The following ATP8A2 variants were observed in gnomAD, a reference collection of about 807,000 sequenced individuals.
ATP8A2 encodes the protein phospholipid-transporting ATPase IB.
A neutral mutation model predicts 165.6 loss-of-function variants in ATP8A2; 100 were observed. That is an observed-to-expected ratio of 0.60 (90% CI 0.51 to 0.71). The LOEUF is 0.71. ATP8A2 is among the 30% of genes least tolerant of loss of function. ATP8A2 has a pLI of 0.00. For synonymous variants in ATP8A2, 543 were observed against 548.8 expected (o/e 0.99, Z 0.15); for missense variants, 1,227 against 1,479.5 (o/e 0.83, Z 2.80).
At chr13:25,973,910 C>G (rs1955968387) in intron 35 of ATP8A2, among the ~76,000 whole-genome samples, 1 of 152,236 alleles carries the variant, frequency 6.6e-6, no homozygotes, top group Non-Finnish European at 1.5e-5. Flanking sequence ...CTCTCCCACA[C>G]TTTCCTCCTA....
chr13:25,744,451 A>G (rs1180960572), intron 25 of ATP8A2, among the ~76,000 whole-genome samples: 1 of 152,222 alleles, frequency 6.6e-6, no homozygotes, highest in East Asian at 1.9e-4. Flanking sequence ...CATTTCATTT[A>G]GACTGTACTT....
intron 30 of ATP8A2, among the ~76,000 whole-genome samples, chr13:25,849,083 T>C (rs970329470): frequency 1.3e-5 from 2 of 152,140 alleles, no homozygotes; most frequent in African/African-American, 4.8e-5. Context: ...TGGAAGCTCC[T>C]GAAGGGAAAG....
chr13:25,949,551 A>T (rs1006071473), intron 33 of ATP8A2, among the ~76,000 whole-genome samples: 12 of 152,334 alleles, frequency 7.9e-5, no homozygotes, highest in African/African-American at 2.9e-4. Context: ...AAAATTGCCT[A>T]TAAGTACACA....
chr13:25,448,778 T>G (rs1011244498), intron 1 of ATP8A2, among the ~76,000 whole-genome samples: 1 of 152,156 alleles, frequency 6.6e-6, no homozygotes, highest in Non-Finnish European at 1.5e-5. Context: ...GCCTCCTGAG[T>G]AGCTGGGAAT....
chr13:25,465,735 CT>C (rs1566153569), intron 1 of ATP8A2, among the ~76,000 whole-genome samples: 13 of 44,006 alleles, frequency 3.0e-4, no homozygotes, highest in African/African-American at 1.2e-3. Flanking sequence ...TTCTTTCTTT[CT>C]TTCCCTCCCT....
intron 35 of ATP8A2, among the ~76,000 whole-genome samples, chr13:25,971,452 C>G (rs918040483): frequency 2.0e-5 from 3 of 152,072 alleles, no homozygotes; most frequent in Non-Finnish European, 2.9e-5. Flanking sequence ...TTGAGGGGTC[C>G]TGAGTGTTTT....
chr13:25,737,956 T>C (rs2043815149), intron 25 of ATP8A2, among the ~76,000 whole-genome samples: 1 of 152,180 alleles, frequency 6.6e-6, no homozygotes, highest in Non-Finnish European at 1.5e-5. Context: ...AGTGCTGGGA[T>C]TACAGGCGTG....
At chr13:25,781,134 G>T (rs1169441612) in intron 27 of ATP8A2, among the ~76,000 whole-genome samples, 1 of 152,106 alleles carries the variant, frequency 6.6e-6, no homozygotes, top group African/African-American at 2.4e-5. Flanking sequence ...ATGGTGGCAG[G>T]TGCCTGTAGT....
intron 1 of ATP8A2, among the ~76,000 whole-genome samples, chr13:25,439,171 G>T (rs2034861557): frequency 6.6e-6 from 1 of 152,180 alleles, no homozygotes; most frequent in South Asian, 2.1e-4. Context: ...AGCCTGCCTG[G>T]GGTGTGCCAC....
At chr13:25,921,195 G>A (rs1017410189) in intron 33 of ATP8A2, among the ~76,000 whole-genome samples, 10 of 152,150 alleles carry the variant, frequency 6.6e-5, no homozygotes, top group African/African-American at 1.4e-4. Context: ...AATGACTCAG[G>A]AATGAGATCT....
rs531302282 is a variant in ATP8A2, at chr13:25,860,333, G to A, written c.3018+77G>A. 4.9e-5 allele frequency: 38 copies of A among 773,016 alleles called. No homozygotes were observed. In the Admixed American group the frequency reaches 7.7e-4, roughly 16 times the overall value. 47.9% of individuals were successfully genotyped at this position (773,016 alleles called of 1,614,324 possible). A position where few individuals can be genotyped will look rare whatever the true frequency, so the allele number is the denominator to read the frequency against. ...TGCACTTCTCTAAACCCTTAAAAAG[G>A]GCCTTCCTCATTATTATTATTTATT... On this transcript the variant is annotated intron_variant, in intron 31 of 36. Coordinates refer to ENST00000381655, the MANE Select transcript of ATP8A2 (RefSeq NM_016529.6).
intron 1 of ATP8A2, among the ~76,000 whole-genome samples, chr13:25,422,748 T>A (rs2034336238): frequency 1.3e-5 from 2 of 152,124 alleles, no homozygotes; most frequent in South Asian, 4.1e-4. Context: ...AAACCAAAGT[T>A]TTTAAAGGAA....
intron 2 of ATP8A2, among the ~76,000 whole-genome samples, chr13:25,480,115 G>C (rs896436797): frequency 1.3e-5 from 2 of 150,262 alleles, no homozygotes; most frequent in Admixed American, 6.6e-5. Context: ...CTGGCCGGGC[G>C]GGGGGCTGAC....
At chr13:25,377,397 A>C (rs1566089377) in intron 1 of ATP8A2, among the ~76,000 whole-genome samples, 1 of 152,308 alleles carries the variant, frequency 6.6e-6, no homozygotes, top group East Asian at 1.9e-4. Flanking sequence ...AAACACAGAA[A>C]CAGGACCTAC....
At chr13:25,971,754 C>T (rs774163800) in intron 35 of ATP8A2, among the ~76,000 whole-genome samples, 3 of 152,104 alleles carry the variant, frequency 2.0e-5, no homozygotes, top group Admixed American at 6.5e-5. Flanking sequence ...GGCAGTTTAT[C>T]TCATTGCTTG....
At chr13:25,592,631 T>C (rs2040119720) in intron 24 of ATP8A2, among the ~76,000 whole-genome samples, 1 of 152,216 alleles carries the variant, frequency 6.6e-6, no homozygotes, top group South Asian at 2.1e-4. Flanking sequence ...CCTTTTTTTC[T>C]GATGATTTTC....
At position 25,953,125 on chromosome 13, in the gene ATP8A2, T is replaced by C. The variant is rs1955416688; in HGVS notation, c.3184-8450T>C. On this transcript the variant is annotated intron_variant, in intron 33 of 36. Coordinates refer to ENST00000381655, the MANE Select transcript of ATP8A2 (RefSeq NM_016529.6). The surrounding 1 kb of genome is among the most constrained non-coding windows in gnomAD (Gnocchi z 6.7). The stretch of plus-strand genomic sequence containing the variant: ...GTTTTGTTTTATTTTGTTGTTGTGT[T>C]GTCGATGCTGGGTGGGAATGGATTG... 6.6e-6 allele frequency among the ~76,000 whole-genome samples: 1 copy of C among 152,284 alleles called. No homozygotes were observed. Among genetic ancestry groups the C allele is most frequent in the African/African-American group, 2.4e-5 (1 of 41,558 alleles).
intron 2 of ATP8A2, among the ~76,000 whole-genome samples, chr13:25,527,648 T>C (rs2037883313): frequency 6.6e-6 from 1 of 152,202 alleles, no homozygotes; most frequent in African/African-American, 2.4e-5. Flanking sequence ...CTCGTTTTTC[T>C]AGTTCTAGTA....
At chr13:25,900,126 G>A (rs1195128986) in intron 33 of ATP8A2, among the ~76,000 whole-genome samples, 1 of 152,212 alleles carries the variant, frequency 6.6e-6, no homozygotes, top group African/African-American at 2.4e-5. Flanking sequence ...GGGAGGCAGA[G>A]CTGAGAGGGA....
Sources: gnomAD v4.1 joint callset for allele counts (sites outside exome capture counted in the v4.1 genomes callset) on GRCh38, gnomAD v4.1.1 for gene constraint, Gnocchi (gnomAD v3.1) non-coding constraint, MANE v1.5 for transcripts, NCBI Gene and HGNC (gene_info 2026-07-23, HGNC 2026-07-21) for gene names.